Variants in UNC13C observed in about 807,000 individuals in gnomAD.
The protein encoded by UNC13C is protein unc-13 homolog C.
A neutral mutation model predicts 245.4 loss-of-function variants in UNC13C; 174 were observed. The ratio of observed to expected loss-of-function variants is 0.71; its 90% CI spans 0.63 to 0.80. The LOEUF is 0.80. UNC13C is among the 30% of genes least tolerant of loss of function. The probability of loss-of-function intolerance (pLI) is 0.00; values close to 1 mark genes in which losing one functional copy is unlikely to be tolerated. For missense variants in UNC13C, 2,829 were observed against 2,602.9 expected (o/e 1.09, Z -1.89); for synonymous variants, 992 against 895.1 (o/e 1.11, Z -1.93).
chr15:54,237,110 G>A (rs941648094), intron 6 of UNC13C, among the ~76,000 whole-genome samples: 5 of 152,072 alleles, frequency 3.3e-5, no homozygotes, highest in Admixed American at 2.0e-4. Flanking sequence ...AACAATTCTC[G>A]GTAAATTAAA....
At chr15:54,190,172 G>A (rs1357880715) in intron 4 of UNC13C, among the ~76,000 whole-genome samples, 2 of 152,120 alleles carry the variant, frequency 1.3e-5, no homozygotes, top group Admixed American at 1.3e-4. Context: ...CCATTAGGGT[G>A]ATAAGGAAAC....
intron 2 of UNC13C, among the ~76,000 whole-genome samples, chr15:54,045,532 T>C (rs868545395): frequency 1.1e-4 from 17 of 152,256 alleles, no homozygotes; most frequent in Middle Eastern, 3.4e-3. Context: ...TTACCATGTG[T>C]GGTGGGGCCT....
At chr15:54,549,519 A>T (rs921183446) in intron 27 of UNC13C, 116 bp from the exon 28 acceptor site, 1 of 773,942 alleles carries the variant, frequency 1.3e-6, no homozygotes, top group East Asian at 2.6e-5. Flanking sequence ...GGCATCTGGC[A>T]TAAGCCATAA....
intron 2 of UNC13C, among the ~76,000 whole-genome samples, chr15:54,132,274 G>C (rs1460950305): frequency 6.6e-6 from 1 of 151,870 alleles, no homozygotes; most frequent in Admixed American, 6.6e-5. Context: ...GTTTCACCAT[G>C]TTAGCCAGGA....
At chr15:54,223,680 G>A (rs972051678) in intron 4 of UNC13C, among the ~76,000 whole-genome samples, 2 of 151,950 alleles carry the variant, frequency 1.3e-5, no homozygotes, top group African/African-American at 4.8e-5. Flanking sequence ...AAGGGCATTA[G>A]TATTTTGATA....
intron 17 of UNC13C, among the ~76,000 whole-genome samples, chr15:54,341,655 T>C (rs1163144307): frequency 6.6e-6 from 1 of 152,200 alleles, no homozygotes; most frequent in Non-Finnish European, 1.5e-5. Flanking sequence ...TTACTACCTA[T>C]AACCATGTTA....
intron 8 of UNC13C, among the ~76,000 whole-genome samples, chr15:54,258,621 G>A (rs553275456): frequency 2.4e-4 from 36 of 152,016 alleles, no homozygotes; most frequent in African/African-American, 8.2e-4. Flanking sequence ...TGCCTGCCTC[G>A]GCCTCCAAAA....
At chr15:54,363,082 C>T (rs909733040) in intron 17 of UNC13C, among the ~76,000 whole-genome samples, 3 of 152,316 alleles carry the variant, frequency 2.0e-5, no homozygotes, top group East Asian at 1.9e-4. Context: ...TAACCAATCA[C>T]AGTGCTGAGC....
chr15:53,995,315 T>G (rs1462651116), intron 1 of UNC13C, among the ~76,000 whole-genome samples: 1 of 152,036 alleles, frequency 6.6e-6, no homozygotes. Context: ...GAAACCTACT[T>G]AAATTGGTAT....
At chr15:54,043,192 T>C (rs1441755109) in intron 2 of UNC13C, among the ~76,000 whole-genome samples, 1 of 152,188 alleles carries the variant, frequency 6.6e-6, no homozygotes, top group Non-Finnish European at 1.5e-5. Flanking sequence ...ATTCTGGACA[T>C]GGAAATTTAT....
At chr15:53,892,016 G>C in the UNC13C span, among the ~76,000 whole-genome samples, 143 of 152,320 alleles carry the variant, frequency 9.4e-4, 1 homozygote, top group African/African-American at 3.2e-3. Context: ...TCCTTTCCAA[G>C]TTTAGTGTTT....
At chr15:54,293,066 A>T (rs1024143365) in intron 10 of UNC13C, among the ~76,000 whole-genome samples, 1 of 151,744 alleles carries the variant, frequency 6.6e-6, no homozygotes, top group Admixed American at 6.6e-5. Context: ...GAACTCATCC[A>T]TGAACCCTGA....
At chr15:54,272,651 C>T (rs1596122586) in intron 10 of UNC13C, among the ~76,000 whole-genome samples, 1 of 151,994 alleles carries the variant, frequency 6.6e-6, no homozygotes, top group East Asian at 1.9e-4. Context: ...TCATTGCCTA[C>T]ATTGTGATTA....
At chr15:54,157,783 AG>A (rs1291141549) in intron 4 of UNC13C, among the ~76,000 whole-genome samples, 1 of 152,250 alleles carries the variant, frequency 6.6e-6, no homozygotes, top group Non-Finnish European at 1.5e-5. Flanking sequence ...CAGAGCCCTC[AG>A]AAATAATACC....
At chr15:54,632,341 G>A (rs1448578951), downstream of UNC13C, 2 of 152,018 alleles carry the variant, frequency 1.3e-5, no homozygotes, top group Non-Finnish European at 2.9e-5. Flanking sequence ...CCATCAAGTC[G>A]AATTTGATGA....
At chr15:54,466,017 A>G (rs995008848) in intron 19 of UNC13C, among the ~76,000 whole-genome samples, 3 of 152,048 alleles carry the variant, frequency 2.0e-5, no homozygotes, top group African/African-American at 7.2e-5. Context: ...CATAAAAAGA[A>G]TGGAATCCTG....
intron 13 of UNC13C, among the ~76,000 whole-genome samples, chr15:54,307,290 C>A (rs1191669433): frequency 6.6e-6 from 1 of 151,882 alleles, no homozygotes; most frequent in African/African-American, 2.4e-5. Context: ...TTATGGCTGT[C>A]ATTTCACTGT....
chr15:53,925,612 A>C, the UNC13C span, among the ~76,000 whole-genome samples: 3 of 152,274 alleles, frequency 2.0e-5, no homozygotes. Context: ...AAGACAGACT[A>C]TCTCTTTTGT....
intron 24 of UNC13C, among the ~76,000 whole-genome samples, chr15:54,516,747 C>T (rs563590895): frequency 4.1e-5 from 6 of 147,694 alleles, no homozygotes; most frequent in African/African-American, 1.3e-4. Flanking sequence ...TTGCAGTGAG[C>T]AGAGATCGCA....
Sources: allele counts gnomAD v4.1 joint callset (sites outside exome capture counted in the v4.1 genomes callset), GRCh38; gene constraint gnomAD v4.1.1; transcripts MANE v1.5; gene names NCBI Gene and HGNC (gene_info 2026-07-23, HGNC 2026-07-21).